CSMD1: variants seen among roughly 807,000 people sequenced by gnomAD.
CSMD1 encodes CUB and sushi domain-containing protein 1.
A neutral mutation model predicts 417.5 loss-of-function variants in CSMD1; 213 were observed. That is an observed-to-expected ratio of 0.51 (90% CI 0.46 to 0.57). The LOEUF (loss-of-function observed/expected upper bound fraction) is 0.57, where lower values mean the gene tolerates loss of function less well. Among genes scored for constraint, CSMD1 ranks in the 20% least tolerant of loss-of-function variants. The pLI is 0.00. For missense variants in CSMD1, 6,923 were observed against 4,529.7 expected (o/e 1.53, Z -15.17); for synonymous variants, 2,862 against 1,736.8 (o/e 1.65, Z -16.11).
chr8:3,955,825 T>G (rs976745791), intron 5 of CSMD1, among the ~76,000 whole-genome samples: 2 of 152,216 alleles, frequency 1.3e-5, no homozygotes, highest in African/African-American at 4.8e-5. Context: ...ACTGAGGGGT[T>G]CACTTTGCCC....
chr8:3,973,684 C>T (rs897242756), intron 5 of CSMD1, among the ~76,000 whole-genome samples: 7 of 152,166 alleles, frequency 4.6e-5, no homozygotes, highest in African/African-American at 1.7e-4. Flanking sequence ...GTACTGGCAA[C>T]AGAGGTGTGA....
chr8:4,854,285 G>T (rs1190822880), intron 1 of CSMD1, among the ~76,000 whole-genome samples: 1 of 152,146 alleles, frequency 6.6e-6, no homozygotes, highest in Non-Finnish European at 1.5e-5. Context: ...TGGAGACAGG[G>T]CTTGGTAGGA....
chr8:3,690,190 C>A (rs1800163116), intron 7 of CSMD1, among the ~76,000 whole-genome samples: 1 of 152,134 alleles, frequency 6.6e-6, no homozygotes, highest in African/African-American at 2.4e-5. Flanking sequence ...AAGGCCCTGT[C>A]TCTACAAAAA....
chr8:3,697,380 T>C (rs1800612837), intron 7 of CSMD1, among the ~76,000 whole-genome samples: 1 of 152,234 alleles, frequency 6.6e-6, no homozygotes, highest in Non-Finnish European at 1.5e-5. Flanking sequence ...GAATTCCCTT[T>C]GATCATCTGA....
chr8:3,564,444 T>C (rs980475595), intron 10 of CSMD1, among the ~76,000 whole-genome samples: 3 of 152,182 alleles, frequency 2.0e-5, no homozygotes, highest in African/African-American at 7.2e-5. Context: ...TGTTATTCTT[T>C]ACCTCTGTAA....
At chr8:3,374,270 T>G (rs1810169496) in intron 18 of CSMD1, among the ~76,000 whole-genome samples, 1 of 152,110 alleles carries the variant, frequency 6.6e-6, no homozygotes, top group South Asian at 2.1e-4. Flanking sequence ...ATCCACCCGT[T>G]TTTCAAGTTC....
chr8:3,898,132 C>T (rs1235028085), intron 5 of CSMD1, among the ~76,000 whole-genome samples: 1 of 152,136 alleles, frequency 6.6e-6, no homozygotes, highest in South Asian at 2.1e-4. Flanking sequence ...AGAGTTTCTA[C>T]CAGCTGAGTC....
At chr8:4,438,899 G>C (rs138564498) in intron 2 of CSMD1, among the ~76,000 whole-genome samples, 27 of 152,296 alleles carry the variant, frequency 1.8e-4, no homozygotes, top group African/African-American at 5.3e-4. Flanking sequence ...AAGACCAACG[G>C]AGTTTAAGTA....
intron 4 of CSMD1, among the ~76,000 whole-genome samples, chr8:4,027,749 G>A (rs1563335163): frequency 6.6e-6 from 1 of 152,104 alleles, no homozygotes; most frequent in Non-Finnish European, 1.5e-5. Context: ...GTCTGTTTGA[G>A]AAGGGAAATA....
intron 10 of CSMD1, among the ~76,000 whole-genome samples, chr8:3,512,934 T>C (rs1797138089): frequency 6.6e-6 from 1 of 152,086 alleles, no homozygotes; most frequent in Non-Finnish European, 1.5e-5. Context: ...GCCCGTTGTA[T>C]AACCATAGAG....
At chr8:4,601,409 T>C (rs1376089166) in intron 2 of CSMD1, among the ~76,000 whole-genome samples, 1 of 152,182 alleles carries the variant, frequency 6.6e-6, no homozygotes, top group Non-Finnish European at 1.5e-5. Context: ...ATTAGGATAG[T>C]TCTTCACAGC....
chr8:3,452,783 T>A (rs908011876), intron 12 of CSMD1, among the ~76,000 whole-genome samples: 9 of 152,196 alleles, frequency 5.9e-5, no homozygotes, highest in Non-Finnish European at 1.2e-4. Context: ...ATTCTCTTTT[T>A]TTGTTGTGTC....
chr8:3,631,516 A>G (rs1352021067), intron 7 of CSMD1, among the ~76,000 whole-genome samples: 4 of 152,218 alleles, frequency 2.6e-5, no homozygotes, highest in African/African-American at 9.6e-5. Context: ...AGCTTAGGGG[A>G]TTCCAGATAG....
At chr8:4,476,458 T>C (rs977225541) in intron 2 of CSMD1, among the ~76,000 whole-genome samples, 6 of 152,214 alleles carry the variant, frequency 3.9e-5, no homozygotes, top group Non-Finnish European at 5.9e-5. Flanking sequence ...GGTAAAATCA[T>C]ATAATTTGGG....
rs1554455709 is a variant in CSMD1, at chr8:3,838,895, A to ACAT, written c.819-84854_819-84853insATG. ...TATATAATATTAATTATAATATATA[A>ACAT]TAATATATACTCTAGATATGTATAG... On this transcript the variant is annotated intron_variant, in intron 5 of 69. Coordinates refer to ENST00000635120, the MANE Select transcript of CSMD1 (RefSeq NM_033225.6). Among the ~76,000 whole-genome samples the ACAT allele has an allele frequency of 1.8e-3, 192 of 108,574 alleles. 3 individuals are homozygous for ACAT. Among genetic ancestry groups the ACAT allele is most frequent in the African/African-American group, 6.9e-3 (187 of 27,186 alleles). The allele number at this position is 108,574 out of a possible 152,430, so 71.2% of individuals were successfully genotyped here. A position where few individuals can be genotyped will look rare whatever the true frequency, so the allele number is the denominator to read the frequency against.
rs1798208327 is a variant in CSMD1, at chr8:4,437,386, C to G, written c.303-17321G>C. Among the ~76,000 whole-genome samples the G allele has an allele frequency of 2.0e-5, 3 of 152,142 alleles. No individual in the cohort carries two copies. The South Asian group carries it at 6.2e-4, about 31-fold the overall frequency. On this transcript the variant is annotated intron_variant, in intron 2 of 69. Coordinates refer to ENST00000635120, the MANE Select transcript of CSMD1 (RefSeq NM_033225.6). ...AACATCCTTGTATGTGAACAACTTA[C>G]TGTAATCATGACTAGCAAAGTGAGC...
chr8:4,304,029 A>G (rs1363640262), intron 3 of CSMD1, among the ~76,000 whole-genome samples: 1 of 152,176 alleles, frequency 6.6e-6, no homozygotes, highest in Non-Finnish European at 1.5e-5. Flanking sequence ...AAGAACCAAG[A>G]AAGCAGTGAT....
chr8:4,172,037 G>A (rs1797791616), intron 3 of CSMD1, among the ~76,000 whole-genome samples: 1 of 152,014 alleles, frequency 6.6e-6, no homozygotes, highest in Non-Finnish European at 1.5e-5. Context: ...CAAATAAAAG[G>A]AAACACAATG....
rs542831431 is a variant in CSMD1 at position 3,640,200 on chromosome 8, T to C, written c.1010-23403A>G. ...AGCTGGTGCAGGGATATTGCAGTCA[T>C]GTGGGGAGGCATCAATGTGCTGAGA... On this transcript the variant is annotated intron_variant, in intron 7 of 69. Transcript: ENST00000635120. Among the ~76,000 whole-genome samples the C allele has an allele frequency of 1.2e-3, 185 of 152,282 alleles. 1 individual carries two copies. Among genetic ancestry groups the C allele is most frequent in the African/African-American group, 4.2e-3 (173 of 41,554 alleles).
Sources: allele counts gnomAD v4.1 joint callset (sites outside exome capture counted in the v4.1 genomes callset), GRCh38; gene constraint gnomAD v4.1.1; transcripts MANE v1.5; gene names NCBI Gene and HGNC (gene_info 2026-07-23, HGNC 2026-07-21).